The following DNER variants were observed in gnomAD, a reference collection of about 807,000 sequenced individuals.
DNER encodes the protein delta/notch like EGF repeat containing.
Under a neutral mutation model 78.2 loss-of-function variants are expected in DNER, and 33 were observed. The observed-to-expected ratio is 0.42, with a 90% CI of 0.32 to 0.56. The LOEUF (loss-of-function observed/expected upper bound fraction) is 0.56, where lower values mean the gene tolerates loss of function less well. DNER is among the 20% of genes least tolerant of loss of function. The probability of loss-of-function intolerance (pLI) is 0.11; values close to 1 mark genes in which losing one functional copy is unlikely to be tolerated. For synonymous variants in DNER, 417 were observed against 384.8 expected (o/e 1.08, Z -0.98); for missense variants, 918 against 975.3 (o/e 0.94, Z 0.78).
chr2:229,401,015 A>C (rs1693255906), intron 10 of DNER, among the ~76,000 whole-genome samples: 1 of 152,082 alleles, frequency 6.6e-6, no homozygotes, highest in Non-Finnish European at 1.5e-5. Context: ...AAATGGACAA[A>C]AGACAGAAAG....
intron 5 of DNER, among the ~76,000 whole-genome samples, chr2:229,539,314 G>A (rs993344429): frequency 2.0e-5 from 3 of 152,102 alleles, no homozygotes; most frequent in Non-Finnish European, 4.4e-5. Flanking sequence ...TCCCACTTCC[G>A]AATCTGAAGG....
chr2:229,567,688 C>T (rs1191972013), intron 4 of DNER, among the ~76,000 whole-genome samples: 1 of 152,170 alleles, frequency 6.6e-6, no homozygotes, highest in Admixed American at 6.5e-5. Context: ...TTGCTGCAGA[C>T]CATGAACAAT....
At chr2:229,679,098 CAG>C (rs533445277) in intron 1 of DNER, among the ~76,000 whole-genome samples, 28 of 152,292 alleles carry the variant, frequency 1.8e-4, no homozygotes, top group African/African-American at 5.8e-4. Flanking sequence ...GCCCTGTAGA[CAG>C]AGTTATACCA....
chr2:229,437,714 T>TC lies in DNER; in HGVS notation c.1486+9601dup, dbSNP rs1694152784. ...GAAGGCGTGCTACTGAAGGAACATGTCATCAAAGCTATCTCAAAGTAGAGA... is the reference window on the plus strand; with the variant it reads ...GAAGGCGTGCTACTGAAGGAACATGTCCATCAAAGCTATCTCAAAGTAGAGA... On this transcript the variant is annotated intron_variant, in intron 8 of 12. Coordinates refer to ENST00000341772, the MANE Select transcript of DNER (RefSeq NM_139072.4). 9.9e-5 allele frequency among the ~76,000 whole-genome samples: 15 copies of TC among 152,228 alleles called. No homozygotes were observed. In the South Asian group the frequency reaches 2.5e-3, roughly 25 times the overall value.
chr2:229,603,458 T>G (rs1465536480), intron 1 of DNER, among the ~76,000 whole-genome samples: 1 of 152,164 alleles, frequency 6.6e-6, no homozygotes, highest in Non-Finnish European at 1.5e-5. Context: ...ACAGTTATAG[T>G]ATACTGATAA....
chr2:229,600,022 A>G (rs1197989153), intron 1 of DNER, among the ~76,000 whole-genome samples: 1 of 152,202 alleles, frequency 6.6e-6, no homozygotes, highest in Non-Finnish European at 1.5e-5. Context: ...AACTTTTAAA[A>G]CACAGATTCC....
At chr2:229,520,061 A>G (rs1184962865) in intron 5 of DNER, among the ~76,000 whole-genome samples, 1 of 152,204 alleles carries the variant, frequency 6.6e-6, no homozygotes, top group African/African-American at 2.4e-5. Flanking sequence ...ACTTCAGGCA[A>G]TTCTTCGCCA....
chr2:229,469,129 G>A (rs1017679149), intron 7 of DNER, among the ~76,000 whole-genome samples: 2 of 152,150 alleles, frequency 1.3e-5, no homozygotes, highest in South Asian at 4.1e-4. Flanking sequence ...TTCAACAAAT[G>A]TCTCGTATGT....
At chr2:229,563,248 C>T (rs1256460379) in intron 4 of DNER, among the ~76,000 whole-genome samples, 1 of 134,900 alleles carries the variant, frequency 7.4e-6, no homozygotes, top group South Asian at 2.8e-4. Flanking sequence ...CACCCCATCA[C>T]CATCATCATC....
chr2:229,655,687 T>C (rs528396444), intron 1 of DNER, among the ~76,000 whole-genome samples: 47 of 152,266 alleles, frequency 3.1e-4, no homozygotes, highest in Admixed American at 2.5e-3. Context: ...CCAAAACCCA[T>C]GCATTGTGAC....
chr2:229,706,550 A>C (rs901633945), intron 1 of DNER, among the ~76,000 whole-genome samples: 2 of 152,126 alleles, frequency 1.3e-5, no homozygotes, highest in African/African-American at 4.8e-5. Flanking sequence ...GTGACAGAGC[A>C]AGACTCCATC....
chr2:229,396,860 ACT>A (rs1693155792), intron 10 of DNER, among the ~76,000 whole-genome samples: 1 of 152,102 alleles, frequency 6.6e-6, no homozygotes, highest in Non-Finnish European at 1.5e-5. Context: ...TACCTCTGAG[ACT>A]CTGGTTACCA....
chr2:229,463,596 C>T (rs35834872), intron 7 of DNER, among the ~76,000 whole-genome samples: 58,234 of 151,622 alleles, frequency 0.38, 12,981 homozygotes, highest in African/African-American at 0.63. Context: ...ACTTCCACCA[C>T]ATCCAATTAA....
chr2:229,650,579 A>G (rs1260409706), intron 1 of DNER, among the ~76,000 whole-genome samples: 2 of 152,064 alleles, frequency 1.3e-5, no homozygotes, highest in Non-Finnish European at 2.9e-5. Flanking sequence ...TGGATGCTAA[A>G]TCTCAGCCCC....
In DNER at chr2:229,562,307, G is replaced by A. The variant is rs72985996; in HGVS notation, c.848-15215C>T. On this transcript the variant is annotated intron_variant, in intron 4 of 12. Transcript: ENST00000341772. ...ACTAACTCCATCACATCCCCTTCTC[G>A]GTCCTCTTCCTTTGTAGTGACAAAG... Among the ~76,000 whole-genome samples the A allele has an allele frequency of 3.4e-3, 514 of 152,070 alleles. 2 individuals are homozygous for A. The highest frequency in any genetic ancestry group is 5.4e-3 in the Non-Finnish European group (366 of 67,986).
At chr2:229,457,221 C>G (rs1168718310) in intron 7 of DNER, among the ~76,000 whole-genome samples, 1 of 151,950 alleles carries the variant, frequency 6.6e-6, no homozygotes, top group Non-Finnish European at 1.5e-5. Context: ...CTCAAGTCTA[C>G]AGGAAGAAAT....
chr2:229,599,666 T>C (rs7591410), intron 1 of DNER, among the ~76,000 whole-genome samples: 4,665 of 152,280 alleles, frequency 0.031, 215 homozygotes, highest in African/African-American at 0.097. Context: ...CATGAGTAAA[T>C]TTAAAATGCA....
chr2:229,567,705 G>C (rs756418504), intron 4 of DNER, among the ~76,000 whole-genome samples: 1 of 152,136 alleles, frequency 6.6e-6, no homozygotes, highest in Non-Finnish European at 1.5e-5. Context: ...CAATGCCACC[G>C]ATCCTGCTTT....
At chr2:229,608,968 AT>A (rs1057304730) in intron 1 of DNER, among the ~76,000 whole-genome samples, 2 of 152,178 alleles carry the variant, frequency 1.3e-5, no homozygotes, top group African/African-American at 4.8e-5. Flanking sequence ...CACGCCTGTA[AT>A]TGCAGCACTT....
Sources: gnomAD v4.1 joint callset for allele counts (sites outside exome capture counted in the v4.1 genomes callset) on GRCh38, gnomAD v4.1.1 for gene constraint, MANE v1.5 for transcripts, NCBI Gene and HGNC (gene_info 2026-07-23, HGNC 2026-07-21) for gene names.